CPNE9: variants seen among roughly 807,000 people sequenced by gnomAD.
CPNE9 encodes copine family member 9, also known as copine-9.
In CPNE9, 59 loss-of-function variants were observed where a neutral mutation model predicts 83.0. The ratio of observed to expected loss-of-function variants is 0.71; its 90% CI spans 0.58 to 0.88. The LOEUF is 0.88. Ranked by LOEUF, CPNE9 falls within the 40% of genes least tolerant of loss-of-function variation. CPNE9 has a pLI of 0.00. For missense variants in CPNE9, 619 were observed against 720.8 expected (o/e 0.86, Z 1.62); for synonymous variants, 256 against 273.4 (o/e 0.94, Z 0.63).
rs755481301 is a variant in CPNE9, at chr3:9,705,028, C to A, written c.260+34C>A. 2.7e-6 allele frequency: 4 copies of A among 1,493,112 alleles called. 1 individual carries two copies. In the South Asian group the frequency reaches 3.5e-5, roughly 13 times the overall value. The allele number at this position is 1,493,112 out of a possible 1,614,324, so 92.5% of individuals were successfully genotyped here. ...CCGCCTGGAATTCTGGCTTGGCCCG[C>A]CCCCGACCTGGATCCGCCCGGAATT... On this transcript the variant is annotated intron_variant, in intron 4 of 20. Transcript: ENST00000383832.
At position 9,727,442 on chromosome 3, in the gene CPNE9, A is replaced by T. The variant is rs967117482; in HGVS notation, c.1476+256A>T. 6 of 717,134 alleles carry T rather than the reference A, an allele frequency of 8.4e-6. No individual in the cohort carries two copies. In the African/African-American group the frequency reaches 1.0e-4, roughly 13 times the overall value. The allele number at this position is 717,134 out of a possible 1,614,324, so 44.4% of individuals were successfully genotyped here. On this transcript the variant is annotated intron_variant, in intron 20 of 20. Coordinates refer to ENST00000383832, the MANE Select transcript of CPNE9 (RefSeq NM_153635.3). ...GAGACAACCAACAATAAATAATCAC[A>T]CAAAGAAATATCTCATTAGATTGTG... is the stretch of plus-strand genomic sequence containing the variant.
intron 17 of CPNE9, among the ~76,000 whole-genome samples, chr3:9,719,784 G>A (rs1022900451): frequency 2.0e-5 from 3 of 151,944 alleles, no homozygotes; most frequent in African/African-American, 4.8e-5. Context: ...ATGAGGTCAG[G>A]AGTTCAAGAC....
intron 6 of CPNE9, 48 bp from the exon 7 acceptor site, chr3:9,705,939 C>G (rs1453458304): frequency 3.8e-6 from 6 of 1,588,268 alleles, no homozygotes; most frequent in East Asian, 2.2e-5. Flanking sequence ...TAGGCTGGGA[C>G]TCAGCACTCA....
chr3:9,725,882 C>G (rs1057390101), intron 17 of CPNE9, 67 bp from the exon 18 acceptor site: 294 of 1,219,710 alleles, frequency 2.4e-4, no homozygotes, highest in Non-Finnish European at 3.2e-4. Context: ...TGTGGAAGCT[C>G]TGGGGGTAAG....
At chr3:9,717,944 G>A (rs2076699452) in intron 15 of CPNE9, 85 bp from the exon 16 acceptor site, 1 of 1,174,526 alleles carries the variant, frequency 8.5e-7, no homozygotes, top group Non-Finnish European at 1.2e-6. Flanking sequence ...AATGGATATA[G>A]GTGGATGAAT....
rs371831689 is a variant in CPNE9 at position 9,723,435 on chromosome 3, G to A, written c.1242-2514G>A. Among the ~76,000 whole-genome samples the A allele has an allele frequency of 4.0e-5, 6 of 151,578 alleles. No homozygotes were observed. In the South Asian group the frequency reaches 1.0e-3, roughly 26 times the overall value. ...TGCAGTGAGCTGAGATTGTGCCATT[G>A]CACTCCAGCCTGGGCAACAGAGCGA... On this transcript the variant is annotated intron_variant, in intron 17 of 20. Transcript: ENST00000383832.
Position 9,704,782 on chromosome 3 carries a change from A to T in CPNE9, c.143A>T (p.Gln48Leu). 4 of 1,611,018 alleles carry T rather than the reference A, an allele frequency of 2.5e-6. No individual in the cohort carries two copies. Among genetic ancestry groups the T allele is most frequent in the Non-Finnish European group, 3.4e-6 (4 of 1,179,166 alleles). Residue 48 changes from glutamine to leucine, a missense_variant, in exon 3 of 21, where the codon CAG (glutamine) becomes CTG (leucine). This residue lies in a region of CPNE9 where 130 missense variants were observed against 117.5 expected (regional missense o/e 1.11). Coordinates refer to ENST00000383832, the MANE Select transcript of CPNE9 (RefSeq NM_153635.3). The surrounding 1 kb of genome is among the most constrained non-coding windows in gnomAD (Gnocchi z 7.1). ...VVLYTQSRAS[Q>L]EWREFGRTEV... ...CTTTACACGCAGAGCCGGGCCAGCC[A>T]GGAGTGGCGGGAGGTGAGTCCCAGA...
chr3:9,708,062 C>T (rs2076581818), intron 7 of CPNE9, among the ~76,000 whole-genome samples: 1 of 152,176 alleles, frequency 6.6e-6, no homozygotes, highest in Admixed American at 6.5e-5. Context: ...CTTAAACCTT[C>T]CAAGAAGCCA....
intron 4 of CPNE9, 45 bp from the exon 5 acceptor site, chr3:9,705,419 T>TCCCCCCCCCCCC: frequency 3.0e-6 from 2 of 662,636 alleles, no homozygotes; most frequent in South Asian, 1.6e-5. Flanking sequence ...TTCCACCCTC[T>TCCCCCCCCCCCC]CCCCCACCCA....
At chr3:9,727,289 TC>T in intron 20 of CPNE9, 103 bp downstream of exon 20, 1 of 1,216,872 alleles carries the variant, frequency 8.2e-7, no homozygotes, top group East Asian at 2.3e-5. Flanking sequence ...CCTACTTTTT[TC>T]CCCCGTCACT....
chr3:9,715,229 G>A, intron 11 of CPNE9, 60 bp from the exon 12 acceptor site: 1 of 1,554,006 alleles, frequency 6.4e-7, no homozygotes, highest in Non-Finnish European at 8.9e-7. Flanking sequence ...AAAAGACTGG[G>A]TTCAGCTCTG....
chr3:9,716,288 C>A (rs2076683151), intron 14 of CPNE9, among the ~76,000 whole-genome samples: 1 of 152,180 alleles, frequency 6.6e-6, no homozygotes, highest in East Asian at 1.9e-4. Flanking sequence ...GTGGTCTTCA[C>A]TGGTGGCCCC....
chr3:9,719,672 A>C (rs967050449), intron 17 of CPNE9, among the ~76,000 whole-genome samples: 1 of 152,116 alleles, frequency 6.6e-6, no homozygotes, highest in African/African-American at 2.4e-5. Context: ...AAACTAGATG[A>C]GTGACTGTCC....
At chr3:9,705,878 A>T in intron 6 of CPNE9, 109 bp from the exon 7 acceptor site, 1 of 1,383,342 alleles carries the variant, frequency 7.2e-7, no homozygotes, top group Non-Finnish European at 1.0e-6. Context: ...CTCTTGCACC[A>T]CTCATTCGCC....
intron 4 of CPNE9, 64 bp downstream of exon 4, chr3:9,705,058 C>A: frequency 8.2e-7 from 1 of 1,215,224 alleles, no homozygotes; most frequent in South Asian, 1.3e-5. Flanking sequence ...GGAATTCTGG[C>A]TGGCCCCACC....
chr3:9,713,265 T>C (rs999148255), intron 10 of CPNE9, among the ~76,000 whole-genome samples, 186 bp downstream of exon 10: 2 of 152,178 alleles, frequency 1.3e-5, no homozygotes, highest in Non-Finnish European at 2.9e-5. Context: ...ATAGGTGGAC[T>C]ATCCAGGGAT....
At position 9,727,400 on chromosome 3, in the gene CPNE9, G is replaced by A. The variant is rs1014925074; in HGVS notation, c.1476+214G>A. On this transcript the variant is annotated intron_variant, in intron 20 of 20. Coordinates refer to ENST00000383832, the MANE Select transcript of CPNE9 (RefSeq NM_153635.3). ...TGGTGTAGGTCGGGAGGTCCCCAAG[G>A]CCCCTGCCCTCTAGTGGAGACAACC... is the stretch of plus-strand genomic sequence containing the variant. 4.2e-6 allele frequency: 3 copies of A among 718,728 alleles called. No homozygotes were observed. In the Admixed American group the frequency reaches 6.0e-5, roughly 14 times the overall value. 44.5% of individuals were successfully genotyped at this position (718,728 alleles called of 1,614,324 possible).
intron 17 of CPNE9, among the ~76,000 whole-genome samples, chr3:9,721,163 C>A (rs1387213726): frequency 6.6e-6 from 1 of 152,192 alleles, no homozygotes; most frequent in Non-Finnish European, 1.5e-5. Context: ...TAGTCCCTCC[C>A]CTTGGGAGCT....
rs1300092232 is a variant in CPNE9, at chr3:9,729,715, C to T, written c.*23C>T. On this transcript the variant is annotated 3_prime_UTR_variant, in exon 21 of 21. Transcript: ENST00000383832. Reference sequence around the variant, plus strand: ...TGAGGATTCCACATATCCAATGCCTCACAGTCTGCAAGCCTGCTCACCCAC... The same window carrying T: ...TGAGGATTCCACATATCCAATGCCTTACAGTCTGCAAGCCTGCTCACCCAC... The T allele has an allele frequency of 6.3e-7, 1 of 1,595,334 alleles. No individual in the cohort carries two copies. The highest frequency in any genetic ancestry group is 8.6e-7 in the Non-Finnish European group (1 of 1,166,636).
Sources: allele counts gnomAD v4.1 joint callset (sites outside exome capture counted in the v4.1 genomes callset), GRCh38; gene constraint gnomAD v4.1.1; regional missense constraint gnomAD v4.1.1; non-coding constraint Gnocchi (gnomAD v3.1); transcripts MANE v1.5; gene names NCBI Gene and HGNC (gene_info 2026-07-23, HGNC 2026-07-21).